CNTN5: variants seen among roughly 807,000 people sequenced by gnomAD.
The protein encoded by CNTN5 is contactin-5.
In CNTN5, 77 loss-of-function variants were observed where a neutral mutation model predicts 129.1. The ratio of observed to expected loss-of-function variants is 0.60; its 90% CI spans 0.50 to 0.72. The LOEUF is 0.72. Ranked by LOEUF, CNTN5 falls within the 30% of genes least tolerant of loss-of-function variation. The pLI, the probability that CNTN5 is intolerant of heterozygous loss-of-function variation, is 0.00. For missense variants in CNTN5, 1,478 were observed against 1,328.8 expected (o/e 1.11, Z -1.75); for synonymous variants, 509 against 465.6 (o/e 1.09, Z -1.20).
intron 17 of CNTN5, among the ~76,000 whole-genome samples, chr11:100,261,348 A>G (rs187836388): frequency 7.2e-4 from 110 of 152,338 alleles, no homozygotes; most frequent in African/African-American, 1.9e-3. Context: ...GGAAGAATCA[A>G]TATCATGAAA....
intron 1 of CNTN5, among the ~76,000 whole-genome samples, chr11:99,179,157 G>C (rs1334166128): frequency 6.6e-6 from 1 of 152,040 alleles, no homozygotes; most frequent in African/African-American, 2.4e-5. Flanking sequence ...TGGGCTGCTG[G>C]TTGGCCAGGT....
At chr11:99,760,770 T>C (rs927645549) in intron 3 of CNTN5, among the ~76,000 whole-genome samples, 3 of 152,216 alleles carry the variant, frequency 2.0e-5, no homozygotes, top group African/African-American at 7.2e-5. Context: ...TAACTATGTC[T>C]GGTTCATATA....
At chr11:100,073,863 T>C (rs1447506298) in intron 12 of CNTN5, among the ~76,000 whole-genome samples, 1 of 152,154 alleles carries the variant, frequency 6.6e-6, no homozygotes, top group Non-Finnish European at 1.5e-5. Flanking sequence ...TTCACTAGTC[T>C]TTCATAATTG....
chr11:99,473,123 C>G (rs1420161558), intron 2 of CNTN5, among the ~76,000 whole-genome samples: 1 of 152,060 alleles, frequency 6.6e-6, no homozygotes, highest in East Asian at 1.9e-4. Flanking sequence ...AAAGAAAGGG[C>G]TAGTTCTTAT....
chr11:99,037,864 G>A lies in CNTN5; in HGVS notation c.-210+16594G>A, dbSNP rs948306506. The stretch of plus-strand genomic sequence containing the variant: ...GGTGTGAGCCACTGTGCCTGGCCAG[G>A]ACATCTCTTTACAAAAATTACTTTT... On this transcript the variant is annotated intron_variant, in intron 1 of 24. Transcript: ENST00000524871. 2.6e-5 allele frequency among the ~76,000 whole-genome samples: 4 copies of A among 151,800 alleles called. No homozygotes were observed. The East Asian group carries it at 7.7e-4, about 29-fold the overall frequency.
At chr11:99,380,100 TGTGTGTATG>T (rs1940444546) in intron 2 of CNTN5, among the ~76,000 whole-genome samples, 1 of 136,630 alleles carries the variant, frequency 7.3e-6, no homozygotes, top group South Asian at 2.3e-4. Context: ...TGTGTGTGTG[TGTGTGTATG>T]GTGTGTGTGT....
At chr11:99,034,770 T>C (rs1863620852) in intron 1 of CNTN5, among the ~76,000 whole-genome samples, 1 of 152,152 alleles carries the variant, frequency 6.6e-6, no homozygotes, top group Non-Finnish European at 1.5e-5. Flanking sequence ...TCTATTTCCT[T>C]CAGTTCTGCT....
At chr11:99,765,237 A>G (rs1222550435) in intron 3 of CNTN5, among the ~76,000 whole-genome samples, 1 of 151,996 alleles carries the variant, frequency 6.6e-6, no homozygotes, top group African/African-American at 2.4e-5. Context: ...AATTTTTTCT[A>G]AAAATAATTG....
intron 6 of CNTN5, among the ~76,000 whole-genome samples, chr11:99,891,361 G>T (rs1949053735): frequency 6.6e-6 from 1 of 151,574 alleles, no homozygotes; most frequent in South Asian, 2.1e-4. Flanking sequence ...TTTAAGTTCT[G>T]GGGCACTAGT....
At chr11:100,297,209 T>G (rs1379054015) in intron 18 of CNTN5, among the ~76,000 whole-genome samples, 3 of 151,452 alleles carry the variant, frequency 2.0e-5, no homozygotes, top group Non-Finnish European at 4.4e-5. Flanking sequence ...TTCCTGGGGG[T>G]TCTGGTAAGG....
chr11:99,402,806 T>A (rs1368562361), intron 2 of CNTN5, among the ~76,000 whole-genome samples: 2 of 152,160 alleles, frequency 1.3e-5, no homozygotes, highest in Non-Finnish European at 2.9e-5. Flanking sequence ...GTAGGTTGTA[T>A]GTGTCAAGGA....
chr11:99,509,293 C>G (rs1290164184), intron 2 of CNTN5, among the ~76,000 whole-genome samples: 1 of 151,904 alleles, frequency 6.6e-6, no homozygotes, highest in Non-Finnish European at 1.5e-5. Flanking sequence ...TCAGGGTGTA[C>G]TAAAAAACTA....
At chr11:99,733,592 A>T (rs1015528872) in intron 3 of CNTN5, among the ~76,000 whole-genome samples, 3 of 152,098 alleles carry the variant, frequency 2.0e-5, no homozygotes, top group Non-Finnish European at 4.4e-5. Flanking sequence ...ATTATCCCCA[A>T]AATACTTAAT....
intron 3 of CNTN5, among the ~76,000 whole-genome samples, chr11:99,619,793 G>C (rs868730670): frequency 3.3e-5 from 5 of 151,924 alleles, no homozygotes; most frequent in Admixed American, 6.6e-5. Context: ...TTGGGAGGCC[G>C]AGGCGGGCGG....
At chr11:99,062,854 C>A (rs891262049) in intron 1 of CNTN5, among the ~76,000 whole-genome samples, 1 of 151,960 alleles carries the variant, frequency 6.6e-6, no homozygotes, top group Non-Finnish European at 1.5e-5. Context: ...AAACCAGAAT[C>A]CAAGAAATTG....
At chr11:99,355,969 T>G (rs5002104) in intron 2 of CNTN5, among the ~76,000 whole-genome samples, 16,368 of 151,592 alleles carry the variant, frequency 0.11, 1,084 homozygotes, top group African/African-American at 0.17. Flanking sequence ...TGGGACTACA[T>G]GTGGCCACCA....
chr11:99,088,578 G>A (rs918852508), intron 1 of CNTN5, among the ~76,000 whole-genome samples: 13 of 152,302 alleles, frequency 8.5e-5, no homozygotes, highest in African/African-American at 3.1e-4. Context: ...CGTAGAAGGT[G>A]TGGGAAAAGC....
At chr11:99,866,507 T>C (rs948148147) in intron 6 of CNTN5, among the ~76,000 whole-genome samples, 1 of 152,216 alleles carries the variant, frequency 6.6e-6, no homozygotes, top group African/African-American at 2.4e-5. Context: ...TTCTTTTTCA[T>C]GGTGTGGCTA....
At chr11:99,624,233 G>A (rs759932063) in intron 3 of CNTN5, among the ~76,000 whole-genome samples, 1 of 149,470 alleles carries the variant, frequency 6.7e-6, no homozygotes, top group African/African-American at 2.4e-5. Context: ...GCCTAGATCA[G>A]TACCTTATCT....
Sources: gnomAD v4.1 joint callset for allele counts (sites outside exome capture counted in the v4.1 genomes callset) on GRCh38, gnomAD v4.1.1 for gene constraint, MANE v1.5 for transcripts, NCBI Gene and HGNC (gene_info 2026-07-23, HGNC 2026-07-21) for gene names.